Variants in CDH10 observed in about 807,000 individuals in gnomAD.
CDH10 encodes cadherin-10.
CDH10 carries 30 observed loss-of-function variants against 73.1 expected under a neutral mutation model. The observed-to-expected ratio is 0.41, with a 90% confidence interval of 0.31 to 0.56. The LOEUF (loss-of-function observed/expected upper bound fraction) is 0.56. Among genes scored for constraint, CDH10 ranks in the 20% least tolerant of loss-of-function variants. CDH10 has a pLI of 0.27. For synonymous variants in CDH10, 345 were observed against 348.2 expected (o/e 0.99, Z 0.10); for missense variants, 815 against 973.7 (o/e 0.84, Z 2.17).
chr5:24,628,957 C>T (rs550606083), intron 1 of CDH10, among the ~76,000 whole-genome samples: 1 of 150,590 alleles, frequency 6.6e-6, no homozygotes, highest in African/African-American at 2.4e-5. Context: ...GTACTTTATT[C>T]GTTTCTTATA....
intron 1 of CDH10, among the ~76,000 whole-genome samples, chr5:24,610,294 T>G (rs1475236363): frequency 6.6e-6 from 1 of 152,190 alleles, no homozygotes; most frequent in Non-Finnish European, 1.5e-5. Flanking sequence ...AACATACATG[T>G]GTTGGACTGT....
intron 1 of CDH10, among the ~76,000 whole-genome samples, chr5:24,597,539 C>A (rs1181374783): frequency 6.6e-6 from 1 of 151,936 alleles, no homozygotes; most frequent in African/African-American, 2.4e-5. Context: ...GTTTTTTTAA[C>A]CAGAGGAGTT....
chr5:24,583,479 T>C (rs972431338), intron 2 of CDH10, among the ~76,000 whole-genome samples: 1 of 152,064 alleles, frequency 6.6e-6, no homozygotes, highest in African/African-American at 2.4e-5. Context: ...CTATGAAAAT[T>C]AATTGGATTT....
At chr5:24,500,108 C>T (rs747993207) in intron 8 of CDH10, among the ~76,000 whole-genome samples, 2 of 152,130 alleles carry the variant, frequency 1.3e-5, no homozygotes, top group Non-Finnish European at 2.9e-5. Context: ...TATCTGACGT[C>T]TTAAGGTAAT....
intron 8 of CDH10, among the ~76,000 whole-genome samples, chr5:24,501,686 T>TATAGAAA (rs1742502269): frequency 6.6e-6 from 1 of 152,162 alleles, no homozygotes; most frequent in Non-Finnish European, 1.5e-5. Flanking sequence ...AAAATATAAC[T>TATAGAAA]GTTTTACCTG....
chr5:24,619,485 G>A (rs112956809), intron 1 of CDH10, among the ~76,000 whole-genome samples: 3,203 of 152,190 alleles, frequency 0.021, 123 homozygotes, highest in African/African-American at 0.074. Flanking sequence ...GAGCCACCGT[G>A]CCCGGCCTGA....
At chr5:24,562,135 G>A (rs1505887) in intron 2 of CDH10, among the ~76,000 whole-genome samples, 125,808 of 151,866 alleles carry the variant, frequency 0.83, 52,145 homozygotes, top group East Asian at 0.9. Context: ...TAAGAAAAAT[G>A]AGAAAATAGA....
At chr5:24,524,818 A>C (rs760770179) in intron 5 of CDH10, among the ~76,000 whole-genome samples, 1 of 152,128 alleles carries the variant, frequency 6.6e-6, no homozygotes, top group Non-Finnish European at 1.5e-5. Context: ...GTGGGGCTAC[A>C]TAAATAAGTG....
At chr5:24,591,829 T>C (rs1746210310) in intron 2 of CDH10, among the ~76,000 whole-genome samples, 1 of 151,962 alleles carries the variant, frequency 6.6e-6, no homozygotes, top group Admixed American at 6.6e-5. Context: ...AATGTAATGA[T>C]AATTCAATTT....
At chr5:24,547,959 T>C (rs139114555) in intron 2 of CDH10, among the ~76,000 whole-genome samples, 1 of 152,284 alleles carries the variant, frequency 6.6e-6, no homozygotes, top group East Asian at 1.9e-4. Flanking sequence ...TGAAGAAGCG[T>C]AAAGCAAACA....
At chr5:24,621,656 A>T (rs142536182) in intron 1 of CDH10, among the ~76,000 whole-genome samples, 13 of 152,378 alleles carry the variant, frequency 8.5e-5, no homozygotes, top group African/African-American at 3.1e-4. Context: ...AGTCATTTTG[A>T]CTAAAGAACT....
intron 2 of CDH10, among the ~76,000 whole-genome samples, chr5:24,576,270 C>T (rs1357512752): frequency 6.6e-6 from 1 of 151,986 alleles, no homozygotes; most frequent in African/African-American, 2.4e-5. Context: ...TGAGTTGTTC[C>T]TGATGTGTAT....
At chr5:24,643,701 A>G (rs1644949198) in intron 1 of CDH10, among the ~76,000 whole-genome samples, 1 of 152,154 alleles carries the variant, frequency 6.6e-6, no homozygotes, top group Non-Finnish European at 1.5e-5. Context: ...TTAAAACAAT[A>G]TTTGTCTTTG....
In CDH10 at chr5:24,625,164, T is replaced by C. The variant is rs548689550; in HGVS notation, c.-124+19430A>G. Among the ~76,000 whole-genome samples, 17 of 152,254 alleles carry C rather than the reference T, an allele frequency of 1.1e-4. No individual in the cohort carries two copies. The East Asian group carries it at 3.1e-3, about 28-fold the overall frequency. On this transcript the variant is annotated intron_variant, in intron 1 of 11. Transcript: ENST00000264463. ...ACAGGCTGAAAATATAATAGGTTCA[T>C]AAAAGGTTTAGATAAAAAACATGCA...
intron 1 of CDH10, among the ~76,000 whole-genome samples, chr5:24,614,892 T>A (rs1747077410): frequency 6.6e-6 from 1 of 152,176 alleles, no homozygotes. Context: ...TCTCCTGTAC[T>A]CCTATTGGTC....
chr5:24,522,470 A>G (rs6879214), intron 5 of CDH10, among the ~76,000 whole-genome samples: 73,242 of 151,560 alleles, frequency 0.48, 17,778 homozygotes, highest in East Asian at 0.58. Context: ...CAGAAAGTTC[A>G]AATCCAAAGC....
intron 1 of CDH10, among the ~76,000 whole-genome samples, chr5:24,631,215 A>G (rs1445700542): frequency 6.6e-6 from 1 of 152,094 alleles, no homozygotes; most frequent in East Asian, 1.9e-4. Flanking sequence ...ACTGTATGTC[A>G]TCAACTTTAG....
chr5:24,619,708 C>T (rs575986520), intron 1 of CDH10, among the ~76,000 whole-genome samples: 2 of 152,096 alleles, frequency 1.3e-5, no homozygotes, highest in Non-Finnish European at 2.9e-5. Context: ...GGAATCCTAA[C>T]CCCCAAGATA....
chr5:24,589,689 A>G (rs1746136960), intron 2 of CDH10, among the ~76,000 whole-genome samples: 1 of 152,106 alleles, frequency 6.6e-6, no homozygotes. Context: ...TTACAGTTTA[A>G]TATCATTATT....
Sources: allele counts gnomAD v4.1 joint callset (sites outside exome capture counted in the v4.1 genomes callset), GRCh38; gene constraint gnomAD v4.1.1; transcripts MANE v1.5; gene names NCBI Gene and HGNC (gene_info 2026-07-23, HGNC 2026-07-21).